Variants in INPP4A observed in about 807,000 individuals in gnomAD.
INPP4A encodes inositol polyphosphate-4-phosphatase, type I, 107kD.
Under a neutral mutation model 119.8 loss-of-function variants are expected in INPP4A, and 33 were observed. That is an observed-to-expected ratio of 0.28 (90% confidence interval 0.21 to 0.37). The LOEUF (loss-of-function observed/expected upper bound fraction) is 0.37, where lower values mean the gene tolerates loss of function less well. Ranked by LOEUF, INPP4A falls within the 10% of genes least tolerant of loss-of-function variation. INPP4A has a pLI of 1.00. For missense variants in INPP4A, 956 were observed against 1,289.9 expected, an observed-to-expected ratio of 0.74 and a Z score of 3.97; for synonymous variants, 496 against 500.7, an observed-to-expected ratio of 0.99 and a Z score of 0.12.
chr2:98,542,637 A>G (rs185904072), intron 10 of INPP4A, among the ~76,000 whole-genome samples: 71 of 151,582 alleles, frequency 4.7e-4, no homozygotes, highest in African/African-American at 1.7e-3. Context: ...CCCAGTCCCC[A>G]TTTTCCTAAT....
chr2:98,554,454 T>C lies in INPP4A; in HGVS notation c.1531T>C (p.Ser511Pro). The C allele has an allele frequency of 6.2e-7, 1 of 1,613,854 alleles. No homozygotes were observed. The highest frequency in any genetic ancestry group is 8.5e-7 in the Non-Finnish European group (1 of 1,179,868). ...MARWTGRNSR[S>P]SLQVDWHEEE... ...CCGGTGGACAGGGAGAAACAGCCGA[T>C]CTTCCCTGCAGGTGGACTGGCACGA... Residue 511 changes from serine to proline, a missense_variant, in exon 15 of 25, where the codon TCT (serine) becomes CCT (proline). By Grantham distance (74) the Ser-to-Pro change is moderately conservative. Coordinates refer to ENST00000409851, the MANE Select transcript of INPP4A (RefSeq NM_001134225.2). The surrounding 1 kb of genome is among the most constrained non-coding windows in gnomAD (Gnocchi z 4.7).
At chr2:98,488,935 CTGTGTGTGTGTGTGTGTG>C (rs55758146) in intron 1 of INPP4A, among the ~76,000 whole-genome samples, 21 of 126,116 alleles carry the variant, frequency 1.7e-4, no homozygotes, top group South Asian at 6.2e-4. Context: ...AGTACATGCA[CTGTGTGTGTGTGTGTGTG>C]TGTGTGTGTG....
At chr2:98,550,783 A>G (rs1693367247) in intron 13 of INPP4A, among the ~76,000 whole-genome samples, 1 of 152,226 alleles carries the variant, frequency 6.6e-6, no homozygotes, top group Non-Finnish European at 1.5e-5. Context: ...TCATTAAAAC[A>G]TGACTTGTGA....
At chr2:98,587,426 C>T (rs762351029) in intron 24 of INPP4A, 50 bp from the exon 25 acceptor site, 2 of 1,500,208 alleles carry the variant, frequency 1.3e-6, no homozygotes, top group East Asian at 2.5e-5. Flanking sequence ...TAAGTCTTTT[C>T]TTTTTTCCTT....
At chr2:98,575,907 G>T (rs1418395680) in intron 23 of INPP4A, among the ~76,000 whole-genome samples, 1 of 152,194 alleles carries the variant, frequency 6.6e-6, no homozygotes, top group Admixed American at 6.5e-5. Flanking sequence ...AGATGCTTTG[G>T]AATGCACAGG....
intron 1 of INPP4A, among the ~76,000 whole-genome samples, chr2:98,474,214 G>C (rs1676738881): frequency 6.6e-6 from 1 of 152,164 alleles, no homozygotes; most frequent in Non-Finnish European, 1.5e-5. Context: ...ATATCACTTT[G>C]ACAGCCTCAA....
chr2:98,565,411 G>A (rs191370691), intron 19 of INPP4A, among the ~76,000 whole-genome samples: 7 of 152,308 alleles, frequency 4.6e-5, no homozygotes, highest in Admixed American at 6.5e-5. Context: ...AAGGGATGGC[G>A]CGTGTTTCCA....
At chr2:98,571,559 G>T (rs1191453990) in intron 22 of INPP4A, among the ~76,000 whole-genome samples, 36 of 152,372 alleles carry the variant, frequency 2.4e-4, no homozygotes. Context: ...GATGGGCGAG[G>T]CCTCCGGAAG....
In INPP4A at chr2:98,552,775, AT is replaced by A; in HGVS notation, c.1164-10del. ...GGAGAATCCCTTAGAATCCATTCTT[AT>A]CCTTTCCAGTACATCATCTGGCTGC... On this transcript the variant is annotated splice_polypyrimidine_tract_variant and intron_variant, in intron 13 of 24. Transcript: ENST00000409851. The A allele has an allele frequency of 6.2e-7, 1 of 1,604,702 alleles. No individual in the cohort carries two copies. Among genetic ancestry groups the A allele is most frequent in the Non-Finnish European group, 8.5e-7 (1 of 1,171,596 alleles).
At chr2:98,479,646 G>T (rs1218459434) in intron 1 of INPP4A, among the ~76,000 whole-genome samples, 1 of 152,174 alleles carries the variant, frequency 6.6e-6, no homozygotes, top group East Asian at 1.9e-4. Flanking sequence ...GGAAATCATT[G>T]TCTCATAGAT....
chr2:98,503,915 C>T (rs1314918840), intron 1 of INPP4A, among the ~76,000 whole-genome samples: 2 of 152,220 alleles, frequency 1.3e-5, no homozygotes, highest in African/African-American at 4.8e-5. Flanking sequence ...GAAGGTGCTG[C>T]GTGTCAGTTG....
chr2:98,531,060 G>T (rs769600720), intron 4 of INPP4A, among the ~76,000 whole-genome samples: 3 of 152,166 alleles, frequency 2.0e-5, no homozygotes, highest in Non-Finnish European at 4.4e-5. Flanking sequence ...TCTTTTAAAG[G>T]CACTAATCCC....
intron 1 of INPP4A, among the ~76,000 whole-genome samples, chr2:98,486,804 T>C (rs1679629426): frequency 6.6e-6 from 1 of 152,254 alleles, no homozygotes; most frequent in South Asian, 2.1e-4. Flanking sequence ...GGGAGGAATC[T>C]GTGGGCCCTG....
At chr2:98,456,751 C>T (rs906454032) in intron 1 of INPP4A, among the ~76,000 whole-genome samples, 3 of 152,214 alleles carry the variant, frequency 2.0e-5, no homozygotes, top group Non-Finnish European at 4.4e-5. Flanking sequence ...AGTGTTCAAC[C>T]ATCGATTGCC....
At chr2:98,472,454 A>C (rs966081025) in intron 1 of INPP4A, among the ~76,000 whole-genome samples, 1 of 152,220 alleles carries the variant, frequency 6.6e-6, no homozygotes, top group African/African-American at 2.4e-5. Context: ...GGAGAAGCCA[A>C]TCTGATGTGG....
intron 1 of INPP4A, among the ~76,000 whole-genome samples, chr2:98,509,776 T>C (rs1684784778): frequency 6.6e-6 from 1 of 152,162 alleles, no homozygotes; most frequent in Non-Finnish European, 1.5e-5. Context: ...TTAAAGCACT[T>C]TTTTCAGGGC....
At chr2:98,527,540 G>C (rs1291358840) in intron 4 of INPP4A, among the ~76,000 whole-genome samples, 1 of 152,234 alleles carries the variant, frequency 6.6e-6, no homozygotes, top group Non-Finnish European at 1.5e-5. Context: ...TCAAAGGCCA[G>C]TGAAGGGCTG....
chr2:98,521,977 A>G (rs923734028), intron 4 of INPP4A, among the ~76,000 whole-genome samples: 1 of 152,108 alleles, frequency 6.6e-6, no homozygotes, highest in Admixed American at 6.6e-5. Flanking sequence ...GACATTGCAG[A>G]AAGTTTTAAA....
Position 98,502,224 on chromosome 2 carries a change from T to C in INPP4A, c.-165-16740T>C, listed in dbSNP as rs1327352159. 2.6e-5 allele frequency among the ~76,000 whole-genome samples: 4 copies of C among 152,200 alleles called. No homozygotes were observed. In the East Asian group the frequency reaches 7.7e-4, roughly 29 times the overall value. ...GAGAGCATTCCTTCTGCCAGAGGCC[T>C]GCCCACAGTGGCTCCACTGTCAGTG... On this transcript the variant is annotated intron_variant, in intron 1 of 24. Transcript: ENST00000409851.
Sources: allele counts gnomAD v4.1 joint callset (sites outside exome capture counted in the v4.1 genomes callset), GRCh38; gene constraint gnomAD v4.1.1; non-coding constraint Gnocchi (gnomAD v3.1); transcripts MANE v1.5; gene names NCBI Gene and HGNC (gene_info 2026-07-23, HGNC 2026-07-21).